The following PDE1C variants were observed in gnomAD, a reference collection of about 807,000 sequenced individuals.
PDE1C encodes the protein dual specificity calcium/calmodulin-dependent 3',5'-cyclic nucleotide phosphodiesterase 1C.
Under a neutral mutation model 93.1 loss-of-function variants are expected in PDE1C, and 62 were observed. The ratio of observed to expected loss-of-function variants is 0.67; its 90% CI spans 0.54 to 0.82. The LOEUF (loss-of-function observed/expected upper bound fraction) is 0.82. PDE1C is among the 40% of genes least tolerant of loss of function. The pLI, the probability that PDE1C is intolerant of heterozygous loss-of-function variation, is 0.00. For missense variants in PDE1C, 742 were observed against 884.6 expected (o/e 0.84, Z 2.04); for synonymous variants, 325 against 310.1 (o/e 1.05, Z -0.50).
intron 3 of PDE1C, among the ~76,000 whole-genome samples, chr7:32,086,949 G>A (rs532127370): frequency 4.8e-4 from 72 of 151,366 alleles, no homozygotes; most frequent in African/African-American, 7.0e-4. Flanking sequence ...CATGGGCAAG[G>A]ACTTCATGTC....
At chr7:32,280,410 G>A (rs926912276) in intron 1 of PDE1C, among the ~76,000 whole-genome samples, 1 of 151,972 alleles carries the variant, frequency 6.6e-6, no homozygotes, top group African/African-American at 2.4e-5. Flanking sequence ...GTCTTCATCA[G>A]GTCAAACAGC....
rs993458696 is a variant in PDE1C, at chr7:32,170,098, T to C, written c.137-142A>G. 9 of 727,644 alleles carry C rather than the reference T, an allele frequency of 1.2e-5. No individual in the cohort carries two copies. The African/African-American group carries it at 1.4e-4, about 11-fold the overall frequency. 45.1% of individuals were successfully genotyped at this position (727,644 alleles called of 1,614,324 possible). On this transcript the variant is annotated intron_variant, in intron 2 of 18. Coordinates refer to the PDE1C transcript ENST00000396193. The stretch of plus-strand genomic sequence containing the variant: ...CATCTCCGCCAACATTACAGAGTTG[T>C]AACCAGGAATTTTTACATTTATATG...
chr7:32,139,300 C>CTTTTTTTTTTT (rs34277412), intron 3 of PDE1C, among the ~76,000 whole-genome samples: 3 of 82,922 alleles, frequency 3.6e-5, no homozygotes, highest in African/African-American at 4.8e-5. Flanking sequence ...CAAAATCAAC[C>CTTTTTTTTTTT]TTTTTTTTTT....
At chr7:32,335,778 G>A (rs1039234031) in intron 1 of PDE1C, among the ~76,000 whole-genome samples, 3 of 152,030 alleles carry the variant, frequency 2.0e-5, no homozygotes, top group African/African-American at 7.2e-5. Flanking sequence ...ACCTAGGCTG[G>A]AGTGCAGTGG....
chr7:32,070,217 G>C (rs1209106270), intron 1 of PDE1C, 76 bp downstream of exon 1: 1 of 1,601,054 alleles, frequency 6.2e-7, no homozygotes, highest in Non-Finnish European at 8.5e-7. Flanking sequence ...AGGGTGAGCA[G>C]TCGTGACTGC....
intron 1 of PDE1C, among the ~76,000 whole-genome samples, chr7:32,256,556 T>C (rs1052368194): frequency 6.6e-6 from 1 of 152,140 alleles, no homozygotes; most frequent in Non-Finnish European, 1.5e-5. Context: ...TGCCAACATC[T>C]CTACCAGCCT....
chr7:32,258,693 C>A (rs968428305), intron 1 of PDE1C, among the ~76,000 whole-genome samples: 4 of 152,232 alleles, frequency 2.6e-5, no homozygotes, highest in Non-Finnish European at 5.9e-5. Flanking sequence ...CATGGAAACT[C>A]CAGGAAACCC....
intron 1 of PDE1C, among the ~76,000 whole-genome samples, chr7:32,386,883 A>T (rs1005468614): frequency 2.2e-3 from 318 of 146,834 alleles, no homozygotes; most frequent in South Asian, 0.01. Context: ...TTTTATTTTT[A>T]TTTTTTTTTT....
At chr7:31,635,070 G>C in the PDE1C span, among the ~76,000 whole-genome samples, 1 of 152,078 alleles carries the variant, frequency 6.6e-6, no homozygotes, top group Non-Finnish European at 1.5e-5. Flanking sequence ...GGTGTGATAT[G>C]TTATATTACA....
At chr7:31,639,639 C>A in the PDE1C span, among the ~76,000 whole-genome samples, 1 of 150,806 alleles carries the variant, frequency 6.6e-6, no homozygotes, top group Non-Finnish European at 1.5e-5. Flanking sequence ...CGGGTTCATG[C>A]CATTCTCCTG....
chr7:32,174,608 G>A (rs980179991), intron 2 of PDE1C, among the ~76,000 whole-genome samples: 3 of 152,222 alleles, frequency 2.0e-5, no homozygotes, highest in Admixed American at 6.5e-5. Context: ...AGCCACAGGG[G>A]CAGTGTCCAG....
intron 3 of PDE1C, among the ~76,000 whole-genome samples, chr7:32,156,731 G>A (rs780187649): frequency 6.6e-6 from 1 of 152,168 alleles, no homozygotes; most frequent in Non-Finnish European, 1.5e-5. Context: ...CCAATACATA[G>A]AAAAGAAGTG....
At chr7:31,950,253 C>G (rs957836200) in intron 2 of PDE1C, among the ~76,000 whole-genome samples, 1 of 152,174 alleles carries the variant, frequency 6.6e-6, no homozygotes, top group Non-Finnish European at 1.5e-5. Flanking sequence ...AAAGAAGATG[C>G]AAGCTCTACT....
chr7:32,299,441 C>A (rs1812827145), upstream of PDE1C: 3 of 984,108 alleles, frequency 3.0e-6, no homozygotes, highest in South Asian at 1.4e-4. Context: ...GTCAAAGTCA[C>A]CGGAGGCTCT....
At chr7:32,243,255 A>T (rs989308271) in intron 1 of PDE1C, among the ~76,000 whole-genome samples, 3 of 152,198 alleles carry the variant, frequency 2.0e-5, no homozygotes, top group African/African-American at 7.2e-5. Flanking sequence ...TGAGCACTGA[A>T]GAGGTCCCTC....
At chr7:32,370,072 G>A (rs1383964566) in intron 1 of PDE1C, among the ~76,000 whole-genome samples, 1 of 152,142 alleles carries the variant, frequency 6.6e-6, no homozygotes, top group Admixed American at 6.5e-5. Context: ...CAAAGACTTG[G>A]AACCAACCCA....
chr7:32,420,182 CAT>C lies in PDE1C; in HGVS notation c.310+7638_310+7639del, dbSNP rs1287791113. Among the ~76,000 whole-genome samples, 4 of 35,972 alleles carry C rather than the reference CAT, an allele frequency of 1.1e-4. 1 individual carries two copies. Among genetic ancestry groups the C allele is most frequent in the Admixed American group, 9.9e-4 (2 of 2,028 alleles). The allele number at this position is 35,972 out of a possible 152,430, so 23.6% of individuals were successfully genotyped here. A position where few individuals can be genotyped will look rare whatever the true frequency, so the allele number is the denominator to read the frequency against. ...ACATATATATGTGTATATATATACACATATATATGTGTATATATATACATATA... is the reference window on the plus strand; with the variant it reads ...ACATATATATGTGTATATATATACACATATATGTGTATATATATACATATA... On this transcript the variant is annotated intron_variant, in intron 1 of 1. Transcript: ENST00000672256.
chr7:31,991,423 TCAAA>T (rs576733628), intron 2 of PDE1C, among the ~76,000 whole-genome samples: 30 of 152,338 alleles, frequency 2.0e-4, no homozygotes, highest in African/African-American at 6.5e-4. Flanking sequence ...GGCTTTGAAC[TCAAA>T]CAGACTAGGG....
chr7:32,385,800 G>A (rs934259347), intron 1 of PDE1C, among the ~76,000 whole-genome samples: 5 of 152,232 alleles, frequency 3.3e-5, no homozygotes, highest in East Asian at 1.9e-4. Flanking sequence ...ATGCTGGAGC[G>A]AGTATGGGAA....
Sources: allele counts gnomAD v4.1 joint callset (sites outside exome capture counted in the v4.1 genomes callset), GRCh38; gene constraint gnomAD v4.1.1; transcripts MANE v1.5; gene names NCBI Gene and HGNC (gene_info 2026-07-23, HGNC 2026-07-21).